The following MRPS9 variants were observed in gnomAD, a reference collection of about 807,000 sequenced individuals.
The protein encoded by MRPS9 is mitochondrial ribosomal protein S9, also known as small ribosomal subunit protein uS9m.
Under a neutral mutation model 59.9 loss-of-function variants are expected in MRPS9, and 45 were observed. The observed-to-expected ratio is 0.75, with a 90% confidence interval of 0.59 to 0.96. The LOEUF is 0.96. MRPS9 is among the 40% of genes least tolerant of loss of function. The pLI is 0.00. For synonymous variants in MRPS9, 171 were observed against 166.8 expected (o/e 1.03, Z -0.19); for missense variants, 473 against 481.1 (o/e 0.98, Z 0.16).
In MRPS9 at chr2:105,092,381, T is replaced by A. The variant is rs1180166371; in HGVS notation, c.652-20T>A. 1 of 1,577,528 alleles carries A rather than the reference T, an allele frequency of 6.3e-7. No homozygotes were observed. The highest frequency in any genetic ancestry group is 8.6e-7 in the Non-Finnish European group (1 of 1,165,704). On this transcript the variant is annotated intron_variant, in intron 7 of 10. Transcript: ENST00000258455. ...ATGCAATTACACTTGCACCTTCTAATGAATTTTTATTGTCTGCAGTATATG... is the reference window on the plus strand; with the variant it reads ...ATGCAATTACACTTGCACCTTCTAAAGAATTTTTATTGTCTGCAGTATATG...
intron 2 of MRPS9, among the ~76,000 whole-genome samples, chr2:105,064,255 C>T (rs111422823): frequency 0.012 from 1,751 of 152,140 alleles, 30 homozygotes; most frequent in African/African-American, 0.04. Context: ...AGGGAGACAG[C>T]GGTCTCATAT....
intron 2 of MRPS9, among the ~76,000 whole-genome samples, chr2:105,070,828 A>G (rs551515484): frequency 3.6e-4 from 55 of 152,338 alleles, no homozygotes; most frequent in African/African-American, 1.2e-3. Flanking sequence ...AAAAACAGAC[A>G]TGGAAGAAGA....
chr2:105,047,874 G>A (rs981129795), intron 1 of MRPS9, among the ~76,000 whole-genome samples: 1 of 151,964 alleles, frequency 6.6e-6, no homozygotes, highest in Admixed American at 6.6e-5. Context: ...AAAGATATGC[G>A]AGCCCTTTGG....
intron 10 of MRPS9, chr2:105,098,090 A>G (rs1388218707): frequency 6.6e-6 from 1 of 151,804 alleles, no homozygotes; most frequent in African/African-American, 2.4e-5. Flanking sequence ...ATTTTTTCCC[A>G]TTGTGGTGTT....
intron 4 of MRPS9, among the ~76,000 whole-genome samples, chr2:105,078,315 AGT>A (rs71250682): frequency 0.067 from 9,892 of 147,364 alleles, 419 homozygotes; most frequent in East Asian, 0.2. Flanking sequence ...GGTGAAGTCA[AGT>A]GTGTGTGTGT....
chr2:105,039,374 CTCTTTGAGTATA>C (rs963101803), intron 1 of MRPS9, among the ~76,000 whole-genome samples: 5 of 136,534 alleles, frequency 3.7e-5, no homozygotes, highest in Admixed American at 1.5e-4. Flanking sequence ...TTTCATGCAT[CTCTTTGAGTATA>C]TCTTTGCTAC....
intron 1 of MRPS9, among the ~76,000 whole-genome samples, chr2:105,048,526 T>G (rs190011888): frequency 1.3e-4 from 20 of 151,914 alleles, no homozygotes; most frequent in Admixed American, 4.6e-4. Flanking sequence ...AAAAGAAAAA[T>G]AAAAGATATG....
At chr2:105,040,529 A>C (rs1273510050) in intron 1 of MRPS9, among the ~76,000 whole-genome samples, 1 of 152,216 alleles carries the variant, frequency 6.6e-6, no homozygotes, top group Non-Finnish European at 1.5e-5. Flanking sequence ...TTTGAGAAAC[A>C]CTGTTACAAT....
intron 5 of MRPS9, 77 bp from the exon 6 acceptor site, chr2:105,088,907 A>G (rs1447843427): frequency 1.0e-6 from 1 of 1,000,978 alleles, no homozygotes; most frequent in Non-Finnish European, 1.4e-6. Context: ...ACAGGAGAAA[A>G]CTATAAAATA....
intron 1 of MRPS9, among the ~76,000 whole-genome samples, chr2:105,042,866 A>G (rs1210051951): frequency 6.6e-6 from 1 of 152,214 alleles, no homozygotes; most frequent in Non-Finnish European, 1.5e-5. Context: ...AAAACCAAGC[A>G]TATAAAAATA....
At chr2:105,048,784 G>A (rs1049954394) in intron 1 of MRPS9, among the ~76,000 whole-genome samples, 3 of 151,892 alleles carry the variant, frequency 2.0e-5, no homozygotes, top group African/African-American at 7.2e-5. Flanking sequence ...GGTTTCTGGT[G>A]CGTGTGTATT....
intron 2 of MRPS9, 27 bp from the exon 3 acceptor site, chr2:105,071,286 T>C: frequency 6.3e-7 from 1 of 1,596,358 alleles, no homozygotes; most frequent in South Asian, 1.1e-5. Flanking sequence ...ATAACAGTTG[T>C]TAACTAACCT....
chr2:105,082,441 C>T (rs1203128139), intron 5 of MRPS9, among the ~76,000 whole-genome samples: 1 of 152,118 alleles, frequency 6.6e-6, no homozygotes, highest in Admixed American at 6.6e-5. Flanking sequence ...GTAAAGTTGA[C>T]AAATCTTTTT....
intron 4 of MRPS9, among the ~76,000 whole-genome samples, chr2:105,078,677 A>G (rs1442026614): frequency 6.6e-6 from 1 of 152,202 alleles, no homozygotes; most frequent in Non-Finnish European, 1.5e-5. Context: ...TCTTTGTTTC[A>G]GAAGAAAGAC....
intron 1 of MRPS9, among the ~76,000 whole-genome samples, chr2:105,042,329 T>G (rs970491273): frequency 3.3e-5 from 5 of 152,388 alleles, no homozygotes; most frequent in Non-Finnish European, 7.3e-5. Flanking sequence ...CCCCAGGTCC[T>G]TGCTGGCTGT....
At chr2:105,047,012 A>G (rs540613341) in intron 1 of MRPS9, among the ~76,000 whole-genome samples, 2 of 152,128 alleles carry the variant, frequency 1.3e-5, no homozygotes, top group South Asian at 4.1e-4. Flanking sequence ...ATCCCCTGGA[A>G]AACAGTAAAA....
At chr2:105,056,954 A>C (rs1679801898) in intron 2 of MRPS9, among the ~76,000 whole-genome samples, 1 of 152,174 alleles carries the variant, frequency 6.6e-6, no homozygotes, top group Non-Finnish European at 1.5e-5. Flanking sequence ...TATATATTTC[A>C]GAATTTTTTT....
intron 4 of MRPS9, among the ~76,000 whole-genome samples, chr2:105,078,305 G>A (rs1043180030): frequency 1.7e-5 from 2 of 121,042 alleles, no homozygotes; most frequent in African/African-American, 6.4e-5. Flanking sequence ...CCTTAGGTTC[G>A]GTGAAGTCAA....
intron 4 of MRPS9, among the ~76,000 whole-genome samples, chr2:105,076,689 A>G (rs1680218926): frequency 6.6e-6 from 1 of 152,228 alleles, no homozygotes. Flanking sequence ...ACAGCTTTCA[A>G]TACTTTTAAA....
Sources: allele counts gnomAD v4.1 joint callset (sites outside exome capture counted in the v4.1 genomes callset), GRCh38; gene constraint gnomAD v4.1.1; transcripts MANE v1.5; gene names NCBI Gene and HGNC (gene_info 2026-07-23, HGNC 2026-07-21).